Variants in LAMC1 observed in about 807,000 individuals in gnomAD.
LAMC1 encodes the protein laminin subunit gamma 1.
In LAMC1, 38 loss-of-function variants were observed where a neutral mutation model predicts 173.6. The ratio of observed to expected loss-of-function variants is 0.22; its 90% CI spans 0.17 to 0.29. The LOEUF is 0.29. LAMC1 is among the 10% of genes least tolerant of loss of function. LAMC1 has a pLI of 1.00. For synonymous variants in LAMC1, 746 were observed against 749.1 expected, an observed-to-expected ratio of 1.00 and a Z score of 0.07; for missense variants, 1,824 against 2,051.8, an observed-to-expected ratio of 0.89 and a Z score of 2.14.
At chr1:183,116,987 G>C in intron 8 of LAMC1, 84 bp downstream of exon 8, 1 of 1,376,852 alleles carries the variant, frequency 7.3e-7, no homozygotes, top group South Asian at 1.3e-5. Context: ...GTGACTCTTT[G>C]AGGGCTTTTT....
At chr1:183,092,382 T>TTC (rs1655586055) in intron 1 of LAMC1, among the ~76,000 whole-genome samples, 1 of 151,904 alleles carries the variant, frequency 6.6e-6, no homozygotes, top group Non-Finnish European at 1.5e-5. Context: ...GGGACACATG[T>TTC]TCTCGGGATC....
chr1:183,137,754 A>C lies in LAMC1; in HGVS notation c.4400A>C (p.Gln1467Pro). Residue 1467 changes from glutamine to proline, a missense_variant, in exon 26 of 28, where the codon CAA (glutamine) becomes CCA (proline). By Grantham distance (76) the Gln-to-Pro change is moderately conservative. Transcript: ENST00000258341. ...LDNEVNNMLK[Q>P]LQEAEKELKR... ...AATGAGGTGAACAATATGTTGAAGCAACTGCAGGAAGCAGAAAAAGAGCTA... is the reference window on the plus strand; with the variant it reads ...AATGAGGTGAACAATATGTTGAAGCCACTGCAGGAAGCAGAAAAAGAGCTA... 6.2e-7 allele frequency: 1 copy of C among 1,612,314 alleles called. No individual in the cohort carries two copies. The highest frequency in any genetic ancestry group is 8.5e-7 in the Non-Finnish European group (1 of 1,178,980).
intron 13 of LAMC1, among the ~76,000 whole-genome samples, chr1:183,124,379 T>G (rs374544071): frequency 1.3e-5 from 2 of 152,216 alleles, no homozygotes; most frequent in East Asian, 1.9e-4. Context: ...ATGATTTGGG[T>G]TGATTGTCAC....
At position 183,127,348 on chromosome 1, in the gene LAMC1, C is replaced by A; in HGVS notation, c.3067C>A (p.Arg1023=). 6.2e-7 allele frequency: 1 copy of A among 1,614,102 alleles called. No individual in the cohort carries two copies. The highest frequency in any genetic ancestry group is 8.5e-7 in the Non-Finnish European group (1 of 1,180,016). The part of the protein sequence containing the change: ...DQCEENYFYN[R]SWPGCQECPA... Reference sequence around the variant, plus strand: ...GTGTGAAGAAAACTATTTCTACAATCGGTCTTGGCCTGGCTGCCAGGAATG... The same window carrying A: ...GTGTGAAGAAAACTATTTCTACAATAGGTCTTGGCCTGGCTGCCAGGAATG... The change falls in exon 17 of 28, where the codon CGG becomes AGG. Residue 1023 remains arginine (R), a synonymous_variant. Transcript: ENST00000258341.
At chr1:183,132,370 C>G in intron 20 of LAMC1, 30 bp from the exon 21 acceptor site, 1 of 1,579,774 alleles carries the variant, frequency 6.3e-7, no homozygotes, top group Non-Finnish European at 8.6e-7. Context: ...ATGGTTGTTT[C>G]ATGGCTTATT....
chr1:183,123,979 G>A (rs1425670705), intron 13 of LAMC1, among the ~76,000 whole-genome samples: 1 of 152,224 alleles, frequency 6.6e-6, no homozygotes, highest in African/African-American at 2.4e-5. Context: ...ATGAGGAGCA[G>A]TGAGTAGTAG....
chr1:183,055,613 A>G lies in LAMC1; in HGVS notation c.418+31479A>G, dbSNP rs753225457. The stretch of plus-strand genomic sequence containing the variant: ...CAGATCACAAGGTCAAGAGATTGAG[A>G]CCATCCTGGCCAACATGGTGAAACC... On this transcript the variant is annotated intron_variant, in intron 1 of 27. Coordinates refer to ENST00000258341, the MANE Select transcript of LAMC1 (RefSeq NM_002293.4). 1.1e-3 allele frequency among the ~76,000 whole-genome samples: 171 copies of G among 151,998 alleles called. 3 individuals carry two copies. Among genetic ancestry groups the G allele is most frequent in the Non-Finnish European group, 2.1e-3 (144 of 67,992 alleles).
At chr1:183,101,858 C>T (rs910873714) in intron 1 of LAMC1, among the ~76,000 whole-genome samples, 75 of 152,288 alleles carry the variant, frequency 4.9e-4, no homozygotes, top group African/African-American at 1.7e-3. Context: ...AATCCAACCT[C>T]CTCTAAGATC....
At chr1:183,035,946 A>T (rs1237208827) in intron 1 of LAMC1, among the ~76,000 whole-genome samples, 1 of 152,160 alleles carries the variant, frequency 6.6e-6, no homozygotes, top group Non-Finnish European at 1.5e-5. Flanking sequence ...TGTTAGCCTT[A>T]TGCAGAAAAT....
chr1:183,073,054 A>G (rs975091796), intron 1 of LAMC1, among the ~76,000 whole-genome samples: 30 of 152,208 alleles, frequency 2.0e-4, no homozygotes. Context: ...TCATCCTGAA[A>G]CCGGTTCCTG....
At chr1:183,133,341 C>T in intron 21 of LAMC1, 65 bp from the exon 22 acceptor site, 1 of 1,405,578 alleles carries the variant, frequency 7.1e-7, no homozygotes, top group Non-Finnish European at 9.7e-7. Flanking sequence ...TCATGTTAAT[C>T]TGGTTAACAT....
intron 1 of LAMC1, among the ~76,000 whole-genome samples, chr1:183,059,810 AG>A (rs1654694936): frequency 6.6e-6 from 1 of 152,234 alleles, no homozygotes; most frequent in African/African-American, 2.4e-5. Context: ...GAAGTTAGTT[AG>A]GTTTGGATTT....
In LAMC1 at chr1:183,133,435, A is replaced by G. The variant is rs1329658495; in HGVS notation, c.3734A>G (p.Asp1245Gly). ...KYEQAKNISQ[D>G]LEKQAARVHE... is the part of the protein sequence containing the mutation. ...GAACAAGCGAAGAACATCTCACAGG[A>G]TCTGGAAAAACAAGCTGCCCGAGTA... is the stretch of plus-strand genomic sequence containing the variant. The change falls in exon 22 of 28, where the codon GAT becomes GGT. Residue 1245 changes from aspartate (D) to glycine (G), a missense_variant. Asp to Gly is a moderately conservative substitution (Grantham distance 94, BLOSUM62 -1). Transcript: ENST00000258341. 6.2e-7 allele frequency: 1 copy of G among 1,614,012 alleles called. No homozygotes were observed. Among genetic ancestry groups the G allele is most frequent in the Admixed American group, 1.7e-5 (1 of 60,012 alleles).
intron 1 of LAMC1, among the ~76,000 whole-genome samples, chr1:183,069,355 G>A (rs1162820992): frequency 1.3e-5 from 2 of 152,138 alleles, no homozygotes; most frequent in Non-Finnish European, 2.9e-5. Context: ...AAAACCTAGA[G>A]AAATGATTAG....
At chr1:183,071,306 C>A (rs1307617568) in intron 1 of LAMC1, among the ~76,000 whole-genome samples, 1 of 152,052 alleles carries the variant, frequency 6.6e-6, no homozygotes, top group East Asian at 1.9e-4. Context: ...TGTTCTGTAG[C>A]TATTACCCTG....
chr1:183,036,069 C>T (rs1180470134), intron 1 of LAMC1, among the ~76,000 whole-genome samples: 1 of 151,626 alleles, frequency 6.6e-6, no homozygotes, highest in African/African-American at 2.4e-5. Context: ...TGGAAAACTA[C>T]CCTCACACTT....
At chr1:183,134,884 G>A (rs888009374) in intron 23 of LAMC1, 75 bp downstream of exon 23, 23 of 1,467,260 alleles carry the variant, frequency 1.6e-5, no homozygotes, top group Admixed American at 7.4e-5. Flanking sequence ...TGATGATGCC[G>A]TACTTTCAGA....
In LAMC1 at chr1:183,132,653, C is replaced by T. The variant is rs1018603918; in HGVS notation, c.3704+116C>T. 5 of 758,304 alleles carry T rather than the reference C, an allele frequency of 6.6e-6. No homozygotes were observed. In the Admixed American group the frequency reaches 7.4e-5, roughly 11 times the overall value. 47.0% of individuals were successfully genotyped at this position (758,304 alleles called of 1,614,324 possible). The stretch of plus-strand genomic sequence containing the variant: ...GGCATACATTCATGCAGTAAGATTT[C>T]CTTTGTTAATCATGCTTTTGAAATG... On this transcript the variant is annotated intron_variant, in intron 21 of 27. Transcript: ENST00000258341.
At chr1:183,116,459 AGT>A in intron 6 of LAMC1, 116 bp from the exon 7 acceptor site, 1 of 641,146 alleles carries the variant, frequency 1.6e-6, no homozygotes, top group East Asian at 2.8e-5. Context: ...CCTGGGCGAC[AGT>A]GTGAGACTCT....
Sources: allele counts gnomAD v4.1 joint callset (sites outside exome capture counted in the v4.1 genomes callset), GRCh38; gene constraint gnomAD v4.1.1; transcripts MANE v1.5; gene names NCBI Gene and HGNC (gene_info 2026-07-23, HGNC 2026-07-21).